Variants in KIF15 observed in about 807,000 individuals in gnomAD.
KIF15 encodes the protein kinesin family member 15, also known as kinesin-like protein KIF15.
In KIF15, 140 loss-of-function variants were observed where a neutral mutation model predicts 190.6. That is an observed-to-expected ratio of 0.73 (90% CI 0.64 to 0.84). KIF15 has a LOEUF of 0.84. KIF15 is among the 40% of genes least tolerant of loss of function. The pLI is 0.00. For synonymous variants in KIF15, 528 were observed against 551.3 expected (o/e 0.96, Z 0.59); for missense variants, 1,372 against 1,584.4 (o/e 0.87, Z 2.28).
chr3:44,783,291 G>C (rs1706251872), intron 5 of KIF15, among the ~76,000 whole-genome samples: 1 of 152,166 alleles, frequency 6.6e-6, no homozygotes, highest in Non-Finnish European at 1.5e-5. Flanking sequence ...GCCTCATGCT[G>C]CTTCAACTCA....
intron 22 of KIF15, chr3:44,827,205 A>G (rs2125690138): frequency 2.3e-6 from 1 of 427,960 alleles, no homozygotes; most frequent in East Asian, 4.6e-5. Flanking sequence ...TAATAAACAA[A>G]TACTATATGA....
intron 20 of KIF15, among the ~76,000 whole-genome samples, chr3:44,821,745 C>T (rs1020021950): frequency 2.8e-4 from 43 of 152,202 alleles, no homozygotes; most frequent in African/African-American, 9.4e-4. Context: ...AGGCTGCAGT[C>T]TCGGCACTTT....
intron 1 of KIF15, 50 bp downstream of exon 1, chr3:44,761,934 G>T: frequency 1.2e-6 from 2 of 1,613,394 alleles, no homozygotes; most frequent in Non-Finnish European, 1.7e-6. Flanking sequence ...CCCAAATACA[G>T]CTGTGAAAGG....
chr3:44,836,059 AAGG>A (rs1405129445), intron 26 of KIF15, among the ~76,000 whole-genome samples: 1 of 152,132 alleles, frequency 6.6e-6, no homozygotes, highest in African/African-American at 2.4e-5. Flanking sequence ...GAAAAAACAA[AAGG>A]AGGGATGGGC....
At chr3:44,859,671 T>C (rs1699219697) in intron 6 of KIF15, among the ~76,000 whole-genome samples, 1 of 151,926 alleles carries the variant, frequency 6.6e-6, no homozygotes, top group Non-Finnish European at 1.5e-5. Context: ...AAAATACATA[T>C]ATATATAATC....
rs149054138 is a variant in KIF15, at chr3:44,864,321, C to T, written c.*60-9008C>T. 101 of 1,614,046 alleles carry T rather than the reference C, an allele frequency of 6.3e-5. No homozygotes were observed. The highest frequency in any genetic ancestry group is 1.5e-4 in the Admixed American group (9 of 60,014). On this transcript the variant is annotated intron_variant and NMD_transcript_variant, in intron 6 of 6. Transcript: ENST00000422209. Reference sequence around the variant, plus strand: ...TCAGCCATTGCATCTGTCACAGTGACTTTTTCAAATATCCTCAGCTCGGTG... The same window carrying T: ...TCAGCCATTGCATCTGTCACAGTGATTTTTTCAAATATCCTCAGCTCGGTG...
intron 22 of KIF15, 58 bp from the exon 23 acceptor site, chr3:44,827,401 T>C (rs903726178): frequency 8.2e-7 from 1 of 1,223,604 alleles, no homozygotes; most frequent in Non-Finnish European, 1.2e-6. Flanking sequence ...TACTAACAGA[T>C]TCAGTTCCTG....
chr3:44,775,273 A>G lies in KIF15; in HGVS notation c.82A>G (p.Lys28Glu), dbSNP rs1485352648. Residue 28 changes from lysine to glutamate, a missense_variant, in exon 3 of 35, where the codon AAA becomes GAA. By Grantham distance (56) the Lys-to-Glu change is moderately conservative. Coordinates refer to ENST00000326047, the MANE Select transcript of KIF15 (RefSeq NM_020242.3). The part of the protein sequence containing the change: ...NQPSNEGDAI[K>E]VFVRIRPPAE... ...CTTTAGTAATGAAGGTGATGCCATC[A>G]AAGTTTTTGTGCGAATTCGTCCTCC... 6 of 1,613,522 alleles carry G rather than the reference A, an allele frequency of 3.7e-6. No individual in the cohort carries two copies. Among genetic ancestry groups the G allele is most frequent in the Non-Finnish European group, 3.4e-6 (4 of 1,179,842 alleles).
chr3:44,766,594 C>A (rs902119840), intron 1 of KIF15, among the ~76,000 whole-genome samples: 2 of 152,140 alleles, frequency 1.3e-5, no homozygotes, highest in East Asian at 3.9e-4. Context: ...CAATTAGGAG[C>A]TGGAGGGATC....
intron 4 of KIF15, among the ~76,000 whole-genome samples, chr3:44,778,872 CT>C (rs1364638549): frequency 6.8e-6 from 1 of 146,672 alleles, no homozygotes; most frequent in Non-Finnish European, 1.5e-5. Context: ...GTCCCAGCTA[CT>C]TGGGAGGCTG....
intron 32 of KIF15, among the ~76,000 whole-genome samples, chr3:44,851,344 A>G (rs1376730641): frequency 6.6e-6 from 1 of 152,240 alleles, no homozygotes; most frequent in Non-Finnish European, 1.5e-5. Flanking sequence ...AGTCAGTGAA[A>G]TGTACATGAA....
rs185483839 is a variant in KIF15, at chr3:44,806,074, A to G, written c.1971+88A>G. ...GAGAGTCTGCATGGTCTATCTCCAG[A>G]TGCAGATGACATCCCATGCAGGTAA... On this transcript the variant is annotated intron_variant, in intron 16 of 34. Coordinates refer to ENST00000326047, the MANE Select transcript of KIF15 (RefSeq NM_020242.3). 40 of 1,413,468 alleles carry G rather than the reference A, an allele frequency of 2.8e-5. 1 individual carries two copies. In the African/African-American group the frequency reaches 3.9e-4, roughly 14 times the overall value. The allele number at this position is 1,413,468 out of a possible 1,614,324, so 87.6% of individuals were successfully genotyped here. A position where few individuals can be genotyped will look rare whatever the true frequency, so the allele number is the denominator to read the frequency against.
At chr3:44,858,183 G>A (rs1407858301), downstream of KIF15, among the ~76,000 whole-genome samples, 1 of 152,206 alleles carries the variant, frequency 6.6e-6, no homozygotes, top group East Asian at 1.9e-4. Flanking sequence ...GGAATAGTGA[G>A]TTGTGGAGGA....
Position 44,797,949 on chromosome 3 carries a change from AAAAC to A in KIF15, c.1094_1097del (p.Asn365ArgfsTer3). ...TTTGCTCAAAGAGCCAAGCTGATTAAAAACAAGGTAAAATACTGGCGTATACTTC... is the reference window on the plus strand; with the variant it reads ...TTTGCTCAAAGAGCCAAGCTGATTAAAAGGTAAAATACTGGCGTATACTTC... On this transcript the variant is annotated frameshift_variant, in exon 10 of 35. Transcript: ENST00000326047. LOFTEE classifies it high-confidence loss of function. 6.2e-7 allele frequency: 1 copy of A among 1,610,978 alleles called. No individual in the cohort carries two copies. The highest frequency in any genetic ancestry group is 8.5e-7 in the Non-Finnish European group (1 of 1,179,110).
intron 13 of KIF15, 127 bp from the exon 14 acceptor site, chr3:44,802,687 G>A (rs1359194768): frequency 1.2e-6 from 1 of 836,252 alleles, no homozygotes; most frequent in Non-Finnish European, 1.8e-6. Flanking sequence ...GCTTTCCATG[G>A]TGGTTGCAGA....
chr3:44,855,210 G>T (rs1699176417), downstream of KIF15, among the ~76,000 whole-genome samples: 1 of 152,134 alleles, frequency 6.6e-6, no homozygotes, highest in South Asian at 2.1e-4. Context: ...GCAGGCAGGG[G>T]GTGGATCTCA....
At position 44,801,923 on chromosome 3, in the gene KIF15, G is replaced by A. The variant is rs374352388; in HGVS notation, c.1458G>A (p.Gln486=). Reference sequence around the variant, plus strand: ...GGGGAGGTTTTCTGCCTGAGGAGCAGGATCGTTTGCTCTCAGAATTAAGGA... The same window carrying A: ...GGGGAGGTTTTCTGCCTGAGGAGCAAGATCGTTTGCTCTCAGAATTAAGGA... ...ESRGGFLPEE[Q]DRLLSELRNE... The change falls in exon 13 of 35, where the codon CAG becomes CAA. Residue 486 remains glutamine, a synonymous_variant. Transcript: ENST00000326047. 3.5e-5 allele frequency: 56 copies of A among 1,613,780 alleles called. No homozygotes were observed. Among genetic ancestry groups the A allele is most frequent in the Non-Finnish European group, 4.7e-5 (55 of 1,179,854 alleles).
chr3:44,818,928 A>G (rs1423047467), intron 20 of KIF15, among the ~76,000 whole-genome samples: 1 of 152,074 alleles, frequency 6.6e-6, no homozygotes, highest in African/African-American at 2.4e-5. Context: ...AGAGCCTGTT[A>G]TTGGTGTATT....
intron 1 of KIF15, among the ~76,000 whole-genome samples, chr3:44,774,194 C>G (rs1705762304): frequency 6.6e-6 from 1 of 152,162 alleles, no homozygotes; most frequent in Non-Finnish European, 1.5e-5. Flanking sequence ...GTCTCTATCA[C>G]CATGAGACTA....
Sources: allele counts gnomAD v4.1 joint callset (sites outside exome capture counted in the v4.1 genomes callset), GRCh38; gene constraint gnomAD v4.1.1; transcripts MANE v1.5; gene names NCBI Gene and HGNC (gene_info 2026-07-23, HGNC 2026-07-21).